The following PHF24 variants were observed in gnomAD, a reference collection of about 807,000 sequenced individuals.
PHF24 encodes PHD finger protein 24.
In PHF24, 25 loss-of-function variants were observed where a neutral mutation model predicts 42.6. The ratio of observed to expected loss-of-function variants is 0.59; its 90% CI spans 0.43 to 0.82. The LOEUF is 0.82. Ranked by LOEUF, PHF24 falls within the 40% of genes least tolerant of loss-of-function variation. The pLI, the probability that PHF24 is intolerant of heterozygous loss-of-function variation, is 0.00. For missense variants in PHF24, 470 were observed against 538.1 expected (o/e 0.87, Z 1.25); for synonymous variants, 185 against 204.8 (o/e 0.90, Z 0.83).
chr9:34,710,572 A>G, the PHF24 span, among the ~76,000 whole-genome samples: 57 of 146,656 alleles, frequency 3.9e-4, no homozygotes, highest in East Asian at 0.01. Context: ...GGCTCGAGTG[A>G]TCCTCCTACC....
At chr9:34,982,125 A>G (rs1827413825) in exon 8 of PHF24, 3 of 152,214 alleles carry the variant, frequency 2.0e-5, no homozygotes, top group Admixed American at 2.0e-4. Context: ...AAGAAGCCCA[A>G]TCACATTCCA....
At chr9:34,697,572 G>A in the PHF24 span, among the ~76,000 whole-genome samples, 17 of 152,068 alleles carry the variant, frequency 1.1e-4, no homozygotes, top group African/African-American at 3.9e-4. Context: ...CACCTGCCTC[G>A]GCCTCCCAAA....
the PHF24 span, among the ~76,000 whole-genome samples, chr9:34,906,533 A>C: frequency 6.6e-6 from 1 of 151,876 alleles, no homozygotes; most frequent in Non-Finnish European, 1.5e-5. Flanking sequence ...GAGGCCTTAA[A>C]AGCTGCCTCA....
chr9:34,822,609 A>G, the PHF24 span, among the ~76,000 whole-genome samples: 1 of 152,160 alleles, frequency 6.6e-6, no homozygotes, highest in African/African-American at 2.4e-5. Context: ...TAGGGTTGTT[A>G]TGTGCGTGAT....
upstream of PHF24, among the ~76,000 whole-genome samples, chr9:34,956,405 G>C (rs531384269): frequency 6.6e-6 from 1 of 152,130 alleles, no homozygotes; most frequent in African/African-American, 2.4e-5. Flanking sequence ...GACCACAGGC[G>C]CGTGCCACTG....
chr9:34,837,319 T>C, the PHF24 span: 2 of 356,622 alleles, frequency 5.6e-6, no homozygotes, highest in Middle Eastern at 7.1e-4. Flanking sequence ...TATTTGACTT[T>C]AACAACCATA....
At chr9:34,764,409 T>C in the PHF24 span, among the ~76,000 whole-genome samples, 1 of 152,288 alleles carries the variant, frequency 6.6e-6, no homozygotes, top group South Asian at 2.1e-4. Context: ...AGTCAACTTC[T>C]TCCTAGTTTA....
chr9:34,842,930 G>T, the PHF24 span, among the ~76,000 whole-genome samples: 2 of 152,082 alleles, frequency 1.3e-5, no homozygotes, highest in East Asian at 3.9e-4. Context: ...ATGTGTAATG[G>T]TATCACTTTG....
the PHF24 span, among the ~76,000 whole-genome samples, chr9:34,804,245 A>G: frequency 6.6e-6 from 1 of 152,210 alleles, no homozygotes; most frequent in Non-Finnish European, 1.5e-5. Context: ...TGAAGAGAGA[A>G]TTGAGTTGAT....
At chr9:34,727,401 C>A in the PHF24 span, among the ~76,000 whole-genome samples, 2 of 152,222 alleles carry the variant, frequency 1.3e-5, no homozygotes, top group Non-Finnish European at 2.9e-5. Flanking sequence ...TTCAGTACTT[C>A]CAAGCTGTAG....
chr9:34,771,213 GT>G, the PHF24 span, among the ~76,000 whole-genome samples: 1 of 152,212 alleles, frequency 6.6e-6, no homozygotes, highest in Non-Finnish European at 1.5e-5. Context: ...CAATTTCATT[GT>G]TGTGCCAGCA....
At chr9:34,737,635 C>G in the PHF24 span, among the ~76,000 whole-genome samples, 1 of 152,134 alleles carries the variant, frequency 6.6e-6, no homozygotes, top group African/African-American at 2.4e-5. Context: ...ATAGTAACTG[C>G]ACCATTTTAC....
the PHF24 span, among the ~76,000 whole-genome samples, chr9:34,891,446 C>T: frequency 1.3e-5 from 2 of 152,192 alleles, no homozygotes; most frequent in Non-Finnish European, 2.9e-5. Flanking sequence ...CGGACTGGCC[C>T]TCCTGCCACA....
At chr9:34,797,196 G>C in the PHF24 span, among the ~76,000 whole-genome samples, 1 of 152,128 alleles carries the variant, frequency 6.6e-6, no homozygotes, top group African/African-American at 2.4e-5. Flanking sequence ...CAGGCTGTGG[G>C]GCTTTGACCC....
chr9:34,727,903 C>T, the PHF24 span: 1 of 909,010 alleles, frequency 1.1e-6, no homozygotes, highest in Non-Finnish European at 1.6e-6. Flanking sequence ...GTCCCTGCTT[C>T]CACTGTGTAT....
the PHF24 span, chr9:34,892,822 G>C: frequency 1.5e-6 from 1 of 679,418 alleles, no homozygotes. Context: ...AGGAATCTTG[G>C]ACGCTGTCTG....
the PHF24 span, among the ~76,000 whole-genome samples, chr9:34,925,238 G>A: frequency 3.3e-5 from 5 of 152,072 alleles, no homozygotes; most frequent in Non-Finnish European, 7.4e-5. Context: ...CTGTTAGTGG[G>A]GCCCCTTATA....
chr9:34,705,441 A>G, the PHF24 span, among the ~76,000 whole-genome samples: 358 of 150,398 alleles, frequency 2.4e-3, 3 homozygotes, highest in African/African-American at 8.2e-3. Context: ...ACATGCCACT[A>G]CACCAGCTAC....
chr9:34,721,410 TCTCTC>T, the PHF24 span, among the ~76,000 whole-genome samples: 1 of 151,370 alleles, frequency 6.6e-6, no homozygotes. Context: ...TCTCTCTCTC[TCTCTC>T]TCTCTCTCTC....
Sources: gnomAD v4.1 joint callset for allele counts (sites outside exome capture counted in the v4.1 genomes callset) on GRCh38, gnomAD v4.1.1 for gene constraint, MANE v1.5 for transcripts, NCBI Gene and HGNC (gene_info 2026-07-23, HGNC 2026-07-21) for gene names.